The following IL1RAPL2 variants were observed in gnomAD, a reference collection of about 807,000 sequenced individuals.
IL1RAPL2 encodes the protein X-linked interleukin-1 receptor accessory protein-like 2.
A neutral mutation model predicts 44.1 loss-of-function variants in IL1RAPL2; 3 were observed. The observed-to-expected ratio is 0.07, with a 90% CI of 0.03 to 0.18. The LOEUF (loss-of-function observed/expected upper bound fraction) is 0.18. Ranked by LOEUF, IL1RAPL2 falls within the 10% of genes least tolerant of loss-of-function variation. The probability of loss-of-function intolerance (pLI) is 1.00; values close to 1 mark genes in which losing one functional copy is unlikely to be tolerated. For synonymous variants in IL1RAPL2, 181 were observed against 178.8 expected (o/e 1.01, Z -0.10); for missense variants, 391 against 496.4 (o/e 0.79, Z 2.02).
chrX:105,136,886 G>A (rs2033081125), intron 2 of IL1RAPL2, among the ~76,000 whole-genome samples: 1 of 112,397 alleles, frequency 8.9e-6, no homozygotes, highest in African/African-American at 3.2e-5. Context: ...AAATTAAAAT[G>A]CCCTGCTACA....
intron 5 of IL1RAPL2, among the ~76,000 whole-genome samples, chrX:105,346,754 C>A (rs1569426751): frequency 9.0e-6 from 1 of 111,616 alleles, no homozygotes; most frequent in Non-Finnish European, 1.9e-5. Flanking sequence ...GTATCAGAAG[C>A]AGCTTAAGTA....
At chrX:105,221,363 GA>G (rs1343565936) in intron 3 of IL1RAPL2, among the ~76,000 whole-genome samples, 3 of 80,536 alleles carry the variant, frequency 3.7e-5, no homozygotes, top group African/African-American at 9.4e-5. Flanking sequence ...CCTGTTAAAA[GA>G]AAAACGTTAG....
chrX:105,336,948 C>T (rs1730317853), intron 5 of IL1RAPL2, among the ~76,000 whole-genome samples: 1 of 111,766 alleles, frequency 8.9e-6, no homozygotes, highest in Non-Finnish European at 1.9e-5. Flanking sequence ...TCATAGCCTA[C>T]TAATTCTGCC....
intron 2 of IL1RAPL2, among the ~76,000 whole-genome samples, chrX:104,905,433 T>G (rs1389054088): frequency 8.9e-6 from 1 of 111,947 alleles, no homozygotes; most frequent in Non-Finnish European, 1.9e-5. Context: ...TTTTATGGTT[T>G]TAGGTCTAAC....
intron 2 of IL1RAPL2, among the ~76,000 whole-genome samples, chrX:105,043,216 C>T (rs1284599990): frequency 6.4e-5 from 7 of 109,633 alleles, no homozygotes; most frequent in African/African-American, 2.0e-4. Context: ...TACCCTAAAA[C>T]TTAAAGTATA....
intron 2 of IL1RAPL2, among the ~76,000 whole-genome samples, chrX:104,704,002 A>G (rs1414055785): frequency 9.5e-6 from 1 of 105,759 alleles, no homozygotes; most frequent in African/African-American, 3.4e-5. Context: ...AAATTATCCC[A>G]GAAATCTGGG....
intron 6 of IL1RAPL2, among the ~76,000 whole-genome samples, chrX:105,700,727 A>G (rs142425917): frequency 0.026 from 2,961 of 111,793 alleles, 92 homozygotes; most frequent in African/African-American, 0.09. Context: ...ATTAGACTCT[A>G]TTTAGTAATA....
At chrX:104,982,628 A>G (rs12391630) in intron 2 of IL1RAPL2, among the ~76,000 whole-genome samples, 2,923 of 111,433 alleles carry the variant, frequency 0.026, 88 homozygotes, top group African/African-American at 0.092. Flanking sequence ...CAGAAAACAA[A>G]CAGAAAAAAA....
chrX:105,114,967 A>C (rs1365927726), intron 2 of IL1RAPL2, among the ~76,000 whole-genome samples: 1 of 112,087 alleles, frequency 8.9e-6, no homozygotes, highest in Non-Finnish European at 1.9e-5. Flanking sequence ...ACATGATAGA[A>C]GTTCAGATGG....
chrX:105,602,215 AC>A (rs1164265641), intron 6 of IL1RAPL2, among the ~76,000 whole-genome samples: 1 of 106,555 alleles, frequency 9.4e-6, no homozygotes, highest in Non-Finnish European at 1.9e-5. Context: ...TGGCAACCCC[AC>A]CCCCTACAGC....
chrX:105,323,404 C>T lies in IL1RAPL2; in HGVS notation c.697+55863C>T, dbSNP rs1245099266. ...TAACATTTCCACCAATGGCAAGGAG[C>T]GGTTAAGTCAGATAAAATTTGGATA... On this transcript the variant is annotated intron_variant, in intron 5 of 10. Coordinates refer to ENST00000372582, the MANE Select transcript of IL1RAPL2 (RefSeq NM_017416.2). 6.3e-5 allele frequency among the ~76,000 whole-genome samples: 7 copies of T among 111,457 alleles called. No individual in the cohort carries two copies. The South Asian group carries it at 1.5e-3, about 24-fold the overall frequency.
intron 5 of IL1RAPL2, among the ~76,000 whole-genome samples, chrX:105,351,716 G>A (rs1042023546): frequency 6.3e-5 from 7 of 110,346 alleles, no homozygotes; most frequent in African/African-American, 2.3e-4. Context: ...CCACCATGGC[G>A]CATGTATACC....
chrX:105,072,958 C>A (rs1168800865), intron 2 of IL1RAPL2, among the ~76,000 whole-genome samples: 1 of 110,726 alleles, frequency 9.0e-6, no homozygotes, highest in Non-Finnish European at 1.9e-5. Flanking sequence ...CAGCTTCATC[C>A]ATGTCCCTGC....
intron 2 of IL1RAPL2, among the ~76,000 whole-genome samples, chrX:104,775,708 A>G (rs768100481): frequency 8.9e-6 from 1 of 112,021 alleles, no homozygotes; most frequent in East Asian, 2.8e-4. Context: ...TACAATTAGC[A>G]AAGCACTGCA....
At chrX:105,104,884 G>A (rs983301698) in intron 2 of IL1RAPL2, among the ~76,000 whole-genome samples, 2 of 111,837 alleles carry the variant, frequency 1.8e-5, no homozygotes, top group East Asian at 2.8e-4. Flanking sequence ...TTCAAGGCAA[G>A]GATAGACCCT....
At chrX:105,053,059 T>C (rs944161636) in intron 2 of IL1RAPL2, among the ~76,000 whole-genome samples, 1 of 110,936 alleles carries the variant, frequency 9.0e-6, no homozygotes, top group Admixed American at 9.7e-5. Context: ...GCCTTCTGTG[T>C]TGGTCTTGCT....
chrX:105,034,283 G>C (rs1483562990), intron 2 of IL1RAPL2, among the ~76,000 whole-genome samples: 2 of 112,075 alleles, frequency 1.8e-5, no homozygotes, highest in Non-Finnish European at 3.8e-5. Context: ...GCGTTCCTTT[G>C]GAGGAGGAGA....
intron 1 of IL1RAPL2, among the ~76,000 whole-genome samples, chrX:104,609,213 A>C (rs1057463020): frequency 8.9e-6 from 1 of 112,208 alleles, no homozygotes; most frequent in African/African-American, 3.2e-5. Context: ...GTTTCTGCAG[A>C]GTGATCTGCT....
chrX:104,676,737 C>T (rs1177238399), intron 2 of IL1RAPL2, among the ~76,000 whole-genome samples: 1 of 112,028 alleles, frequency 8.9e-6, no homozygotes, highest in East Asian at 2.8e-4. Context: ...TCAGATACAC[C>T]AATCAGACGT....
Sources: gnomAD v4.1 joint callset for allele counts (sites outside exome capture counted in the v4.1 genomes callset) on GRCh38, gnomAD v4.1.1 for gene constraint, MANE v1.5 for transcripts, NCBI Gene and HGNC (gene_info 2026-07-23, HGNC 2026-07-21) for gene names.